LRMDA: variants seen among roughly 807,000 people sequenced by gnomAD.
LRMDA encodes the protein leucine rich melanocyte differentiation associated.
A neutral mutation model predicts 29.8 loss-of-function variants in LRMDA; 18 were observed. The observed-to-expected ratio is 0.60, with a 90% CI of 0.42 to 0.90. The LOEUF (loss-of-function observed/expected upper bound fraction) is 0.90, where lower values mean the gene tolerates loss of function less well. Ranked by LOEUF, LRMDA falls within the 40% of genes least tolerant of loss-of-function variation. LRMDA has a pLI of 0.00. For missense variants in LRMDA, 273 were observed against 273.9 expected (o/e 1.00, Z 0.02); for synonymous variants, 125 against 109.4 (o/e 1.14, Z -0.89).
chr10:75,463,974 G>T (rs908581959), intron 2 of LRMDA, among the ~76,000 whole-genome samples: 50 of 152,014 alleles, frequency 3.3e-4, no homozygotes, highest in Admixed American at 3.9e-4. Flanking sequence ...GCTAATTTTT[G>T]TATTTTTAGT....
At chr10:75,667,837 C>T (rs1406887996) in intron 2 of LRMDA, among the ~76,000 whole-genome samples, 1 of 152,170 alleles carries the variant, frequency 6.6e-6, no homozygotes, top group Admixed American at 6.5e-5. Flanking sequence ...GCATGTCTTT[C>T]TGTTCATTCT....
In LRMDA at chr10:75,501,681, C is replaced by A. The variant is rs76496128; in HGVS notation, c.131+63187C>A. On this transcript the variant is annotated intron_variant, in intron 2 of 6. Transcript: ENST00000611255. ...CAGAATAATCAAGAGGGTATATCTG[C>A]ACTACAAATATACATAACCGAAATA... Among the ~76,000 whole-genome samples the A allele has an allele frequency of 6.1e-3, 932 of 152,294 alleles. 17 individuals carry two copies. The highest frequency in any genetic ancestry group is 0.021 in the African/African-American group (885 of 41,552).
At chr10:75,901,588 G>A (rs1342217781) in intron 2 of LRMDA, among the ~76,000 whole-genome samples, 1 of 151,952 alleles carries the variant, frequency 6.6e-6, no homozygotes. Context: ...ATTCATGGGG[G>A]GAGAAAAAAG....
chr10:75,703,031 G>T (rs1393788160), intron 2 of LRMDA, among the ~76,000 whole-genome samples: 1 of 152,200 alleles, frequency 6.6e-6, no homozygotes. Context: ...ATACACCCTA[G>T]TGAGGGAATA....
intron 4 of LRMDA, among the ~76,000 whole-genome samples, chr10:76,053,219 A>G (rs963590840): frequency 6.6e-6 from 1 of 152,158 alleles, no homozygotes; most frequent in African/African-American, 2.4e-5. Context: ...TTACCTTCAA[A>G]ACAAACTGAT....
chr10:76,380,259 T>A (rs1483745218), intron 6 of LRMDA, among the ~76,000 whole-genome samples: 3 of 152,198 alleles, frequency 2.0e-5, no homozygotes, highest in Non-Finnish European at 4.4e-5. Flanking sequence ...CAAAGTTTCT[T>A]TGTTGATTTT....
chr10:76,382,792 A>T (rs1002922976), intron 6 of LRMDA, among the ~76,000 whole-genome samples: 3 of 152,036 alleles, frequency 2.0e-5, no homozygotes, highest in African/African-American at 7.2e-5. Flanking sequence ...CTGGAAGGGG[A>T]GTTTCTGCTC....
intron 2 of LRMDA, among the ~76,000 whole-genome samples, chr10:75,791,530 A>T (rs1843564807): frequency 6.6e-6 from 1 of 152,260 alleles, no homozygotes; most frequent in South Asian, 2.1e-4. Context: ...AAGCATAATT[A>T]TGTGAGGGAG....
intron 6 of LRMDA, among the ~76,000 whole-genome samples, chr10:76,367,832 G>T (rs752809255): frequency 6.6e-6 from 1 of 152,130 alleles, no homozygotes; most frequent in Non-Finnish European, 1.5e-5. Flanking sequence ...TAAGCTAAGA[G>T]TGTTGTATTT....
intron 5 of LRMDA, among the ~76,000 whole-genome samples, chr10:76,168,437 C>T (rs1850778725): frequency 6.6e-6 from 1 of 152,172 alleles, no homozygotes; most frequent in Non-Finnish European, 1.5e-5. Context: ...GCTTCTGTTT[C>T]CAGAGCTGGG....
chr10:75,570,932 T>G (rs1840430199), intron 2 of LRMDA, among the ~76,000 whole-genome samples: 1 of 152,220 alleles, frequency 6.6e-6, no homozygotes, highest in African/African-American at 2.4e-5. Flanking sequence ...TACAACCTCC[T>G]TCTAATCTAA....
intron 2 of LRMDA, among the ~76,000 whole-genome samples, chr10:75,926,421 G>T (rs890110515): frequency 1.1e-4 from 17 of 152,230 alleles, no homozygotes; most frequent in African/African-American, 4.1e-4. Flanking sequence ...GCAGAGACAT[G>T]TATGTTTACA....
At position 75,727,301 on chromosome 10, in the gene LRMDA, G is replaced by C. The variant is rs543365797; in HGVS notation, c.131+288807G>C. 2.0e-5 allele frequency among the ~76,000 whole-genome samples: 3 copies of C among 152,334 alleles called. No individual in the cohort carries two copies. The South Asian group carries it at 6.2e-4, about 32-fold the overall frequency. ...AGCATGACAAATCTGTCCTCTGAGC[G>C]TGTGTATGTGTGTTTGGGTAGCTGA... On this transcript the variant is annotated intron_variant, in intron 2 of 6. Coordinates refer to ENST00000611255, the MANE Select transcript of LRMDA (RefSeq NM_001305581.2).
At chr10:76,524,965 C>T (rs974736521) in intron 6 of LRMDA, among the ~76,000 whole-genome samples, 15 of 151,976 alleles carry the variant, frequency 9.9e-5, no homozygotes, top group African/African-American at 2.9e-4. Flanking sequence ...TAATTAGAAA[C>T]GTTTTAGACA....
intron 2 of LRMDA, among the ~76,000 whole-genome samples, chr10:75,692,601 G>GTA (rs1842184665): frequency 7.2e-6 from 1 of 138,830 alleles, no homozygotes; most frequent in South Asian, 2.2e-4. Context: ...GTGTGTGTGT[G>GTA]TGTGTATGTG....
intron 5 of LRMDA, among the ~76,000 whole-genome samples, chr10:76,264,612 G>T (rs1839984378): frequency 1.3e-5 from 2 of 151,936 alleles, no homozygotes; most frequent in Admixed American, 1.3e-4. Context: ...TTAAATTCCA[G>T]CTTTATCCCA....
At chr10:76,118,918 C>G (rs1357436819) in intron 5 of LRMDA, among the ~76,000 whole-genome samples, 1 of 144,064 alleles carries the variant, frequency 6.9e-6, no homozygotes, top group Non-Finnish European at 1.5e-5. Flanking sequence ...GAAGGTCTCC[C>G]TGGTGCCCTG....
At chr10:75,905,585 T>C (rs1845745676) in intron 2 of LRMDA, among the ~76,000 whole-genome samples, 1 of 152,112 alleles carries the variant, frequency 6.6e-6, no homozygotes, top group African/African-American at 2.4e-5. Flanking sequence ...AGACTCTTCC[T>C]TCTCATTTCC....
chr10:76,347,221 A>C (rs1246278703), intron 6 of LRMDA, among the ~76,000 whole-genome samples: 1 of 152,176 alleles, frequency 6.6e-6, no homozygotes, highest in African/African-American at 2.4e-5. Flanking sequence ...TGTCTTTATT[A>C]GTCCTTTTAT....
Sources: gnomAD v4.1 joint callset for allele counts (sites outside exome capture counted in the v4.1 genomes callset) on GRCh38, gnomAD v4.1.1 for gene constraint, MANE v1.5 for transcripts, NCBI Gene and HGNC (gene_info 2026-07-23, HGNC 2026-07-21) for gene names.